The following RNF213 variants were observed in gnomAD, a reference collection of about 807,000 sequenced individuals.
RNF213 encodes the protein ring finger protein 213.
A neutral mutation model predicts 514.4 loss-of-function variants in RNF213; 341 were observed. The ratio of observed to expected loss-of-function variants is 0.66; its 90% CI spans 0.61 to 0.73. The LOEUF is 0.73. Among genes scored for constraint, RNF213 ranks in the 30% least tolerant of loss-of-function variants. The probability of loss-of-function intolerance (pLI) is 0.00; values close to 1 mark genes in which losing one functional copy is unlikely to be tolerated. For missense variants in RNF213, 5,767 were observed against 6,615.6 expected (o/e 0.87, Z 4.45); for synonymous variants, 2,655 against 2,658.2 (o/e 1.00, Z 0.04).
Position 80,398,187 on chromosome 17 carries a change from C to G in RNF213, c.*4689C>G, listed in dbSNP as rs181839742. On this transcript the variant is annotated 3_prime_UTR_variant, in exon 68 of 68. Transcript: ENST00000582970. ...TTGATACTTTGGTTTTGGTTTTGAC[C>G]TGACTTGGATATCCTGATACTCTGA... The G allele has an allele frequency of 3.3e-5, 5 of 152,006 alleles. No homozygotes were observed. In the East Asian group the frequency reaches 9.8e-4, roughly 30 times the overall value. 9.4% of individuals were successfully genotyped at this position (152,006 alleles called of 1,614,324 possible).
intron 63 of RNF213, among the ~76,000 whole-genome samples, chr17:80,388,053 G>A (rs773660157): frequency 3.3e-5 from 5 of 149,754 alleles, no homozygotes; most frequent in African/African-American, 4.9e-5. Context: ...TCCACCTCCC[G>A]GGTTCACTCA....
rs2045630170 is a variant in RNF213 at position 80,313,187 on chromosome 17, C to T, written c.2811+20C>T. 6.2e-7 allele frequency: 1 copy of T among 1,613,928 alleles called. No homozygotes were observed. The highest frequency in any genetic ancestry group is 2.2e-5 in the East Asian group (1 of 44,886). ...ATTGAGGTAGGCATTTGGCCGAAGG[C>T]TTCTGGGTAGGGATGTGACTGATCG... On this transcript the variant is annotated intron_variant, in intron 15 of 67. Transcript: ENST00000582970.
rs77239314 is a variant in RNF213 at position 80,291,763 on chromosome 17, G to A, written c.1407G>A (p.Gln469=). 2 of 1,614,082 alleles carry A rather than the reference G, an allele frequency of 1.2e-6. No homozygotes were observed. The highest frequency in any genetic ancestry group is 1.3e-5 in the African/African-American group (1 of 74,922). ...AGTATGAGTTCATTTACAAGCACCAGCAGAAGAAGGGCGAGTACGTCAACC... is the reference window on the plus strand; with the variant it reads ...AGTATGAGTTCATTTACAAGCACCAACAGAAGAAGGGCGAGTACGTCAACC... ...SFEYEFIYKH[Q]QKKGEYVNRC... The change falls in exon 8 of 68, where the codon CAG becomes CAA. Residue 469 remains glutamine, a synonymous_variant. Transcript: ENST00000582970.
At position 80,386,904 on chromosome 17, in the gene RNF213, C is replaced by T. The variant is rs1415528561; in HGVS notation, c.14922+13C>T. On this transcript the variant is annotated intron_variant, in intron 63 of 67. Transcript: ENST00000582970. ...GCTGAGCCTCAAGGTAGGGCTGACT[C>T]CTGCCACTGCTGCTCATTTGGTGTG... is the stretch of plus-strand genomic sequence containing the variant. 2 of 1,602,922 alleles carry T rather than the reference C, an allele frequency of 1.2e-6. No homozygotes were observed. The highest frequency in any genetic ancestry group is 8.5e-7 in the Non-Finnish European group (1 of 1,174,978).
chr17:80,355,442 C>T (rs7209771), intron 36 of RNF213, among the ~76,000 whole-genome samples: 1 of 12,554 alleles, frequency 8.0e-5, no homozygotes, highest in Non-Finnish European at 1.6e-4. Context: ...GGATGGGAAT[C>T]GGGGCTCACG....
In RNF213 at chr17:80,373,696, A is replaced by G. The variant is rs2079617571; in HGVS notation, c.12942+531A>G. ...CAAGAACTAGGAATAGAAGAATTGC[A>G]GAAGAGGCTTCAAGGCCAGGCTGGG... On this transcript the variant is annotated intron_variant, in intron 49 of 67. Coordinates refer to ENST00000582970, the MANE Select transcript of RNF213 (RefSeq NM_001256071.3). Among the ~76,000 whole-genome samples the G allele has an allele frequency of 4.6e-5, 7 of 152,310 alleles. No individual in the cohort carries two copies. In the South Asian group the frequency reaches 1.5e-3, roughly 32 times the overall value.
At chr17:80,344,044 C>T (rs747682194) in intron 28 of RNF213, 29 bp downstream of exon 28, 26 of 1,605,318 alleles carry the variant, frequency 1.6e-5, no homozygotes, top group South Asian at 3.3e-5. Flanking sequence ...TTTCGCCTGG[C>T]GTGGGGGGCT....
rs752899431 is a variant in RNF213, at chr17:80,383,923, C to A, written c.14317C>A (p.Gln4773Lys). 3 of 1,614,148 alleles carry A rather than the reference C, an allele frequency of 1.9e-6. No homozygotes were observed. The South Asian group carries it at 3.3e-5, about 18-fold the overall frequency. The change falls in exon 59 of 68, where the codon CAG becomes AAG. Residue 4773 changes from glutamine to lysine, a missense_variant. Physicochemically the swap from Gln to Lys is moderately conservative, Grantham distance 53. Around this residue, in one of 13 missense-constraint regions of RNF213, gnomAD observed 1,245 missense variants for 1,339.0 expected, o/e 0.93. Coordinates refer to ENST00000582970, the MANE Select transcript of RNF213 (RefSeq NM_001256071.3). The stretch of plus-strand genomic sequence containing the variant: ...AGTGCCCATCCTCTGGCATTTCCTG[C>A]AGAAGGTATGTCTGGCTTACTGTGG... ...ERVPILWHFL[Q>K]KEAELRLVKF...
intron 13 of RNF213, among the ~76,000 whole-genome samples, 185 bp from the exon 14 acceptor site, chr17:80,308,833 G>T (rs1356107313): frequency 6.6e-6 from 1 of 152,144 alleles, no homozygotes; most frequent in African/African-American, 2.4e-5. Context: ...AGAGGACTTT[G>T]CTTCCTTTTT....
intron 58 of RNF213, 144 bp from the exon 59 acceptor site, chr17:80,383,533 C>G (rs1418757748): frequency 3.7e-6 from 3 of 804,572 alleles, no homozygotes; most frequent in East Asian, 5.0e-5. Context: ...ATTAGAAGAT[C>G]AAAGGGAATA....
intron 18 of RNF213, among the ~76,000 whole-genome samples, chr17:80,325,534 G>C (rs149509354): frequency 6.6e-6 from 1 of 152,036 alleles, no homozygotes; most frequent in South Asian, 2.1e-4. Flanking sequence ...AAGGCAATGC[G>C]ACTTACCTAA....
At chr17:80,367,913 C>T in intron 43 of RNF213, 48 bp from the exon 44 acceptor site, 1 of 1,613,876 alleles carries the variant, frequency 6.2e-7, no homozygotes, top group Non-Finnish European at 8.5e-7. Flanking sequence ...TTCACTTCTT[C>T]TGGCCAGTTT....
At chr17:80,299,166 C>T (rs1432555804) in intron 11 of RNF213, among the ~76,000 whole-genome samples, 1 of 152,140 alleles carries the variant, frequency 6.6e-6, no homozygotes, top group Non-Finnish European at 1.5e-5. Flanking sequence ...GATTTTTCCT[C>T]TTAACAGTAT....
chr17:80,392,285 G>A, intron 67 of RNF213, among the ~76,000 whole-genome samples: 1 of 152,058 alleles, frequency 6.6e-6, no homozygotes, highest in East Asian at 1.9e-4. Flanking sequence ...GTCTTTACTA[G>A]CCTGTGCTTT....
chr17:80,294,070 G>A (rs575153111), intron 8 of RNF213, among the ~76,000 whole-genome samples: 4 of 152,296 alleles, frequency 2.6e-5, no homozygotes, highest in East Asian at 1.9e-4. Flanking sequence ...AGGTCTTCAC[G>A]TGGCCTCTGA....
At chr17:80,324,502 G>T (rs1351976130) in intron 17 of RNF213, among the ~76,000 whole-genome samples, 3 of 152,050 alleles carry the variant, frequency 2.0e-5, no homozygotes, top group Non-Finnish European at 2.9e-5. Flanking sequence ...ATGTCAGAAA[G>T]TATCTATTAT....
chr17:80,288,156 AG>A lies in RNF213; in HGVS notation c.607del (p.Glu203ArgfsTer73). The A allele has an allele frequency of 1.2e-6, 2 of 1,610,858 alleles. No homozygotes were observed. Among genetic ancestry groups the A allele is most frequent in the South Asian group, 1.1e-5 (1 of 91,030 alleles). On this transcript the variant is annotated frameshift_variant, in exon 4 of 68. Coordinates refer to ENST00000582970, the MANE Select transcript of RNF213 (RefSeq NM_001256071.3). LOFTEE classifies it high-confidence loss of function. The surrounding 1 kb of genome is among the most constrained non-coding windows in gnomAD (Gnocchi z 4.9). ...SSPQFQDHTEGEDQDASIPSG... is the reference protein window; with the variant it reads ...SSPQFQDHTEXEDQDASIPSG... ...GCCCGCAATTCCAGGACCACACGGA[AG>A]GGGAGGACCAGGACGCTTCCATCCC...
In RNF213 at chr17:80,363,263, C is replaced by T. The variant is rs962403677; in HGVS notation, c.11517C>T (p.Leu3839=). ...SRILTIYPQV[L]HSLMEARWNH... is the part of the protein sequence containing the mutation. ...TCCTGACCATCTACCCTCAGGTTCT[C>T]CACAGCCTGATGGAAGCCCGTTGGA... Residue 3839 remains leucine (L), a synonymous_variant, in exon 40 of 68, where the codon CTC becomes CTT. Coordinates refer to ENST00000582970, the MANE Select transcript of RNF213 (RefSeq NM_001256071.3). 5 of 1,614,084 alleles carry T rather than the reference C, an allele frequency of 3.1e-6. No individual in the cohort carries two copies. Among genetic ancestry groups the T allele is most frequent in the Non-Finnish European group, 4.2e-6 (5 of 1,180,016 alleles).
At chr17:80,265,414 G>A (rs2043581472) in intron 2 of RNF213, among the ~76,000 whole-genome samples, 1 of 152,242 alleles carries the variant, frequency 6.6e-6, no homozygotes, top group African/African-American at 2.4e-5. Context: ...ACTGTTTCTA[G>A]AGGCATGCAA....
Sources: allele counts gnomAD v4.1 joint callset (sites outside exome capture counted in the v4.1 genomes callset), GRCh38; gene constraint gnomAD v4.1.1; regional missense constraint gnomAD v4.1.1; non-coding constraint Gnocchi (gnomAD v3.1); transcripts MANE v1.5; gene names NCBI Gene and HGNC (gene_info 2026-07-23, HGNC 2026-07-21).